Variants in CAMK2B observed in about 807,000 individuals in gnomAD.
CAMK2B encodes the protein calcium/calmodulin-dependent protein kinase type II subunit beta.
A neutral mutation model predicts 93.7 loss-of-function variants in CAMK2B; 27 were observed. The ratio of observed to expected loss-of-function variants is 0.29; its 90% CI spans 0.21 to 0.40. The LOEUF (loss-of-function observed/expected upper bound fraction) is 0.40. Ranked by LOEUF, CAMK2B falls within the 10% of genes least tolerant of loss-of-function variation. The probability of loss-of-function intolerance (pLI) is 1.00; values close to 1 mark genes in which losing one functional copy is unlikely to be tolerated. For missense variants in CAMK2B, 568 were observed against 895.8 expected (o/e 0.63, Z 4.67); for synonymous variants, 374 against 358.8 (o/e 1.04, Z -0.48).
chr7:44,274,253 C>T (rs745657285), intron 2 of CAMK2B, among the ~76,000 whole-genome samples: 7 of 152,174 alleles, frequency 4.6e-5, no homozygotes, highest in Non-Finnish European at 1.0e-4. Context: ...CTCAGAGCCG[C>T]TGTGCAGACC....
intron 1 of CAMK2B, among the ~76,000 whole-genome samples, chr7:44,306,007 G>A (rs1042172842): frequency 1.1e-4 from 17 of 152,166 alleles, no homozygotes; most frequent in South Asian, 2.1e-4. Context: ...TGCAAGGGGG[G>A]ATGATGTGGC....
chr7:44,296,268 A>G (rs896996924), intron 1 of CAMK2B, among the ~76,000 whole-genome samples: 1 of 152,100 alleles, frequency 6.6e-6, no homozygotes, highest in Non-Finnish European at 1.5e-5. Flanking sequence ...GATGGAAGTT[A>G]CAATGCTAGA....
chr7:44,219,995 G>A, intron 23 of CAMK2B, 65 bp downstream of exon 23: 1 of 1,369,436 alleles, frequency 7.3e-7, no homozygotes, highest in Non-Finnish European at 9.9e-7. Context: ...CGCCTCCCCA[G>A]GCTGCAGCCA....
At chr7:44,324,921 G>A (rs1287761967) in intron 1 of CAMK2B, 4 of 151,978 alleles carry the variant, frequency 2.6e-5, no homozygotes, top group African/African-American at 4.8e-5. Context: ...CTCGGGTGGG[G>A]GTGGGGACAG....
chr7:44,270,245 G>T (rs573890744), intron 2 of CAMK2B, among the ~76,000 whole-genome samples: 1 of 152,266 alleles, frequency 6.6e-6, no homozygotes, highest in South Asian at 2.1e-4. Flanking sequence ...ACACAGCCCA[G>T]CTGGGGAGGG....
At chr7:44,319,420 A>G (rs1046387661) in intron 1 of CAMK2B, among the ~76,000 whole-genome samples, 1 of 152,244 alleles carries the variant, frequency 6.6e-6, no homozygotes, top group African/African-American at 2.4e-5. Flanking sequence ...CATCCCTGTT[A>G]GAATTTTTAA....
intron 1 of CAMK2B, among the ~76,000 whole-genome samples, chr7:44,301,206 C>T (rs1280727339): frequency 1.3e-5 from 2 of 152,194 alleles, no homozygotes; most frequent in African/African-American, 4.8e-5. Context: ...TAGCCCACCG[C>T]AGCCTTGAAC....
chr7:44,321,122 T>G (rs1327310087), intron 1 of CAMK2B, among the ~76,000 whole-genome samples: 1 of 152,054 alleles, frequency 6.6e-6, no homozygotes, highest in Non-Finnish European at 1.5e-5. Context: ...AGAAAGCAAA[T>G]ACGATGATCC....
intron 1 of CAMK2B, 75 bp from the exon 2 acceptor site, chr7:44,284,300 C>A: frequency 9.6e-7 from 1 of 1,045,956 alleles, no homozygotes; most frequent in Non-Finnish European, 1.4e-6. Flanking sequence ...CGATTAATCT[C>A]CCCATAAACA....
intron 1 of CAMK2B, chr7:44,325,111 A>C (rs1164267051): frequency 6.6e-6 from 1 of 150,478 alleles, no homozygotes; most frequent in East Asian, 2.0e-4. Context: ...GCGAGCCCGG[A>C]GCCCCGGCCC....
intron 13 of CAMK2B, among the ~76,000 whole-genome samples, chr7:44,236,376 C>T (rs1255779999): frequency 6.6e-6 from 1 of 152,240 alleles, no homozygotes; most frequent in Non-Finnish European, 1.5e-5. Context: ...GATCTCTTAA[C>T]TCTCAACAAT....
intron 2 of CAMK2B, among the ~76,000 whole-genome samples, chr7:44,281,859 G>A (rs966844791): frequency 5.3e-5 from 8 of 152,250 alleles, no homozygotes; most frequent in African/African-American, 1.7e-4. Flanking sequence ...CTGCTCTCCC[G>A]GCCAGGGGCC....
intron 2 of CAMK2B, 97 bp from the exon 3 acceptor site, chr7:44,263,161 G>A (rs1238992768): frequency 4.3e-6 from 5 of 1,155,622 alleles, no homozygotes; most frequent in African/African-American, 1.5e-5. Context: ...GTGTGCCAGG[G>A]CCTCTGACGA....
intron 13 of CAMK2B, 40 bp downstream of exon 13, chr7:44,239,548 AC>A: frequency 6.6e-7 from 1 of 1,505,858 alleles, no homozygotes; most frequent in Non-Finnish European, 9.0e-7. Flanking sequence ...GGCAGGAGGG[AC>A]GGGCGGGAGC....
intron 13 of CAMK2B, among the ~76,000 whole-genome samples, chr7:44,235,446 C>T (rs922041359): frequency 2.0e-5 from 3 of 152,202 alleles, no homozygotes; most frequent in Non-Finnish European, 4.4e-5. Flanking sequence ...CCCCAGCCCC[C>T]GGTGCCCACA....
At chr7:44,262,724 G>A (rs2096889752) in intron 3 of CAMK2B, among the ~76,000 whole-genome samples, 2 of 152,132 alleles carry the variant, frequency 1.3e-5, no homozygotes, top group Non-Finnish European at 2.9e-5. Flanking sequence ...AGAGTGGGAT[G>A]GGAAAGGGAC....
intron 1 of CAMK2B, among the ~76,000 whole-genome samples, chr7:44,321,307 C>T (rs1403108374): frequency 2.6e-5 from 4 of 152,204 alleles, no homozygotes; most frequent in African/African-American, 9.6e-5. Flanking sequence ...CCCCCGCGAG[C>T]GGTCAGGCCA....
chr7:44,241,810 C>A, intron 10 of CAMK2B, 27 bp from the exon 11 acceptor site: 1 of 1,589,174 alleles, frequency 6.3e-7, no homozygotes. Flanking sequence ...GGTCATATGG[C>A]AGCCGAGCCC....
chr7:44,229,358 C>T (rs1260580360), intron 18 of CAMK2B, 30 bp downstream of exon 18: 4 of 1,446,274 alleles, frequency 2.8e-6, no homozygotes, highest in Non-Finnish European at 2.8e-6. Flanking sequence ...CCAACATGAC[C>T]CCCACAGCAG....
Sources: gnomAD v4.1 joint callset for allele counts (sites outside exome capture counted in the v4.1 genomes callset) on GRCh38, gnomAD v4.1.1 for gene constraint, MANE v1.5 for transcripts, NCBI Gene and HGNC (gene_info 2026-07-23, HGNC 2026-07-21) for gene names.